GXYLT2: variants seen among roughly 807,000 people sequenced by gnomAD.
The protein encoded by GXYLT2 is glucoside xylosyltransferase 2.
A neutral mutation model predicts 45.8 loss-of-function variants in GXYLT2; 53 were observed. That is an observed-to-expected ratio of 1.16 (90% confidence interval 0.93 to 1.46). GXYLT2 has a LOEUF of 1.46. GXYLT2 is among the 40% of genes most tolerant of loss of function. The pLI, the probability that GXYLT2 is intolerant of heterozygous loss-of-function variation, is 0.00. For missense variants in GXYLT2, 551 were observed against 544.4 expected (o/e 1.01, Z -0.12); for synonymous variants, 219 against 214.2 (o/e 1.02, Z -0.19).
Position 72,952,331 on chromosome 3 carries a change from A to G in GXYLT2, c.601-2767A>G, listed in dbSNP as rs532664325. On this transcript the variant is annotated intron_variant, in intron 3 of 6. Coordinates refer to ENST00000389617, the MANE Select transcript of GXYLT2 (RefSeq NM_001080393.2). Reference sequence around the variant, plus strand: ...TGTTAAGATAATCTTCATTTATGAAATGGTAGATGATCAGTATTTTTAATT... The same window carrying G: ...TGTTAAGATAATCTTCATTTATGAAGTGGTAGATGATCAGTATTTTTAATT... Among the ~76,000 whole-genome samples, 3 of 152,252 alleles carry G rather than the reference A, an allele frequency of 2.0e-5. No individual in the cohort carries two copies. In the East Asian group the frequency reaches 5.8e-4, roughly 29 times the overall value.
intron 3 of GXYLT2, among the ~76,000 whole-genome samples, chr3:72,943,377 T>C (rs1044747023): frequency 3.3e-5 from 5 of 150,620 alleles, no homozygotes; most frequent in Non-Finnish European, 7.4e-5. Flanking sequence ...TTTCTCTTTT[T>C]CCTTTTTTTT....
At chr3:72,930,693 A>T (rs1301135883) in intron 3 of GXYLT2, among the ~76,000 whole-genome samples, 1 of 145,650 alleles carries the variant, frequency 6.9e-6, no homozygotes, top group African/African-American at 2.6e-5. Flanking sequence ...TCCCAGGCTC[A>T]GGTGATCCTC....
intron 5 of GXYLT2, among the ~76,000 whole-genome samples, chr3:72,959,719 C>CT (rs1190219470): frequency 6.6e-6 from 1 of 151,884 alleles, no homozygotes; most frequent in Admixed American, 6.6e-5. Context: ...ACTGCAATCT[C>CT]TGCCCCCCAG....
intron 5 of GXYLT2, among the ~76,000 whole-genome samples, chr3:72,963,416 T>C (rs1019306143): frequency 2.0e-5 from 3 of 151,460 alleles, no homozygotes; most frequent in Admixed American, 6.6e-5. Flanking sequence ...CTACTAAAAA[T>C]ACGAAACTCT....
Position 72,955,196 on chromosome 3 carries a change from T to C in GXYLT2, c.699T>C (p.Asn233=). ...TCTGGAAGCTTCTGAGGCTGTTTAA[T>C]TCCACCCAGCTTGCAGCCATGGCCC... ...DDIWKLLRLF[N]STQLAAMAPE... is the part of the protein sequence containing the mutation. Residue 233 remains asparagine (N), a synonymous_variant, in exon 4 of 7, where the codon AAT becomes AAC. Transcript: ENST00000389617. 6.2e-7 allele frequency: 1 copy of C among 1,614,054 alleles called. No individual in the cohort carries two copies. Among genetic ancestry groups the C allele is most frequent in the Non-Finnish European group, 8.5e-7 (1 of 1,179,896 alleles).
intron 3 of GXYLT2, among the ~76,000 whole-genome samples, chr3:72,944,494 A>T (rs1229330151): frequency 1.3e-5 from 2 of 151,976 alleles, no homozygotes; most frequent in African/African-American, 2.4e-5. Flanking sequence ...ACCTCGAGTG[A>T]TCCGCCCGCC....
chr3:72,909,505 T>C (rs1345602408), intron 2 of GXYLT2, among the ~76,000 whole-genome samples: 2 of 152,192 alleles, frequency 1.3e-5, no homozygotes, highest in Non-Finnish European at 2.9e-5. Context: ...ACTCTGTATA[T>C]TGTTGTGGAA....
At chr3:72,900,465 A>G (rs1391427815) in intron 1 of GXYLT2, among the ~76,000 whole-genome samples, 1 of 152,056 alleles carries the variant, frequency 6.6e-6, no homozygotes, top group Non-Finnish European at 1.5e-5. Flanking sequence ...CCAGGCTGGA[A>G]TGCAAATGGC....
Position 72,967,649 on chromosome 3 carries a change from A to G in GXYLT2, c.1079A>G (p.His360Arg). The G allele has an allele frequency of 1.2e-6, 2 of 1,614,014 alleles. No homozygotes were observed. The highest frequency in any genetic ancestry group is 1.7e-6 in the Non-Finnish European group (2 of 1,179,876). Residue 360 changes from histidine (H) to arginine (R), a missense_variant, in exon 6 of 7, where the codon CAT becomes CGT. His to Arg is a conservative substitution (Grantham distance 29). Coordinates refer to ENST00000389617, the MANE Select transcript of GXYLT2 (RefSeq NM_001080393.2). ...GAGCATGAAGGTGTGTCTGTTCTGC[A>G]TGGAAACCGAGGCGTCTACCATGAC... ...EAEHEGVSVL[H>R]GNRGVYHDDK...
At chr3:72,903,236 C>G (rs1709440456) in intron 1 of GXYLT2, among the ~76,000 whole-genome samples, 1 of 152,160 alleles carries the variant, frequency 6.6e-6, no homozygotes, top group Non-Finnish European at 1.5e-5. Flanking sequence ...AGGTCTTACG[C>G]AAGACCATTT....
rs1034276460 is a variant in GXYLT2 at position 72,916,777 on chromosome 3, C to T, written c.469-5427C>T. Among the ~76,000 whole-genome samples, 6 of 151,244 alleles carry T rather than the reference C, an allele frequency of 4.0e-5. No individual in the cohort carries two copies. The South Asian group carries it at 8.4e-4, about 21-fold the overall frequency. On this transcript the variant is annotated intron_variant, in intron 2 of 6. Coordinates refer to ENST00000389617, the MANE Select transcript of GXYLT2 (RefSeq NM_001080393.2). ...GCTGGTCCCGAACTCCTGACCTCGG[C>T]CTCCCAAATTTTAGGATTACAGATG...
At chr3:72,969,709 C>A (rs1710948461) in intron 6 of GXYLT2, among the ~76,000 whole-genome samples, 1 of 152,076 alleles carries the variant, frequency 6.6e-6, no homozygotes, top group Non-Finnish European at 1.5e-5. Context: ...GACATATGGT[C>A]TACAGAGTCT....
At chr3:72,914,553 G>T (rs563661049) in intron 2 of GXYLT2, among the ~76,000 whole-genome samples, 3 of 151,504 alleles carry the variant, frequency 2.0e-5, no homozygotes, top group Non-Finnish European at 2.9e-5. Context: ...GTGTGCGCGC[G>T]CGCGCTTGCG....
intron 1 of GXYLT2, among the ~76,000 whole-genome samples, chr3:72,894,990 G>A (rs1709260499): frequency 6.6e-6 from 1 of 152,084 alleles, no homozygotes; most frequent in Non-Finnish European, 1.5e-5. Flanking sequence ...GCTGGCTCTG[G>A]GTCTTTTCTT....
intron 6 of GXYLT2, among the ~76,000 whole-genome samples, chr3:72,970,412 C>T (rs976838662): frequency 9.3e-5 from 14 of 151,244 alleles, no homozygotes; most frequent in Non-Finnish European, 1.9e-4. Flanking sequence ...CCTATAATCC[C>T]AGCACTTTGG....
intron 3 of GXYLT2, among the ~76,000 whole-genome samples, chr3:72,933,510 T>C (rs1306917447): frequency 1.3e-5 from 2 of 152,212 alleles, no homozygotes; most frequent in Non-Finnish European, 2.9e-5. Flanking sequence ...AAAGTGATCA[T>C]ATATGATGTT....
At position 72,957,228 on chromosome 3, in the gene GXYLT2, G is replaced by A. The variant is rs1486406319; in HGVS notation, c.853-1G>A. ...TGTTCTGATGGTTTTCTTTTTTCCA[G>A]AACAGCATGATTCCAACAGGCCTGG... On this transcript the variant is annotated splice_acceptor_variant, in intron 4 of 6. Coordinates refer to ENST00000389617, the MANE Select transcript of GXYLT2 (RefSeq NM_001080393.2). LOFTEE classifies it high-confidence loss of function. 2 of 1,608,308 alleles carry A rather than the reference G, an allele frequency of 1.2e-6. No homozygotes were observed. Among genetic ancestry groups the A allele is most frequent in the East Asian group, 4.5e-5 (2 of 44,836 alleles).
chr3:72,944,319 A>G (rs2107128927), intron 3 of GXYLT2, among the ~76,000 whole-genome samples: 1 of 151,444 alleles, frequency 6.6e-6, no homozygotes, highest in Admixed American at 6.6e-5. Flanking sequence ...CAGTGACACA[A>G]TCTCAGTTTA....
At chr3:72,914,483 C>T (rs1709692671) in intron 2 of GXYLT2, among the ~76,000 whole-genome samples, 1 of 151,358 alleles carries the variant, frequency 6.6e-6, no homozygotes, top group Non-Finnish European at 1.5e-5. Flanking sequence ...TAGGGGCGGC[C>T]AGTATATATA....
Sources: allele counts gnomAD v4.1 joint callset (sites outside exome capture counted in the v4.1 genomes callset), GRCh38; gene constraint gnomAD v4.1.1; transcripts MANE v1.5; gene names NCBI Gene and HGNC (gene_info 2026-07-23, HGNC 2026-07-21).